CUX2: variants seen among roughly 807,000 people sequenced by gnomAD.
CUX2 encodes cut like homeobox 2.
In CUX2, 40 loss-of-function variants were observed where a neutral mutation model predicts 144.8. The ratio of observed to expected loss-of-function variants is 0.28; its 90% CI spans 0.21 to 0.36. The LOEUF is 0.36. CUX2 is among the 10% of genes least tolerant of loss of function. The pLI is 1.00. For synonymous variants in CUX2, 827 were observed against 875.6 expected (o/e 0.94, Z 0.98); for missense variants, 1,615 against 1,994.0 (o/e 0.81, Z 3.62).
chr12:111,150,252 T>C (rs953553175), intron 1 of CUX2, among the ~76,000 whole-genome samples: 2 of 152,184 alleles, frequency 1.3e-5, no homozygotes, highest in African/African-American at 4.8e-5. Context: ...TTGAATGTTT[T>C]AGAATGAGCA....
intron 1 of CUX2, among the ~76,000 whole-genome samples, chr12:111,093,976 G>A (rs956454622): frequency 7.2e-5 from 11 of 152,190 alleles, no homozygotes; most frequent in African/African-American, 7.2e-5. Context: ...AGTCGTTCGC[G>A]CCAGCAAGGA....
chr12:111,298,741 T>A, intron 9 of CUX2, 152 bp downstream of exon 9: 3 of 911,724 alleles, frequency 3.3e-6, no homozygotes, highest in Non-Finnish European at 5.0e-6. Flanking sequence ...CCAGGAGGAG[T>A]CTGGGCCCCA....
rs190448651 is a variant in CUX2, at chr12:111,230,697, G to A, written c.222+12760G>A. Reference sequence around the variant, plus strand: ...GTGATTCACATGTTTGAGAGCCCCTGCCCTGAAACTCACCATCTAGCGGAA... The same window carrying A: ...GTGATTCACATGTTTGAGAGCCCCTACCCTGAAACTCACCATCTAGCGGAA... On this transcript the variant is annotated intron_variant, in intron 3 of 21. Transcript: ENST00000261726. 1.4e-3 allele frequency among the ~76,000 whole-genome samples: 218 copies of A among 152,320 alleles called. 2 individuals are homozygous for A. The highest frequency in any genetic ancestry group is 5.0e-3 in the African/African-American group (207 of 41,562).
intron 1 of CUX2, among the ~76,000 whole-genome samples, chr12:111,170,545 C>CT (rs34282526): frequency 0.015 from 1,173 of 79,950 alleles, 106 homozygotes; most frequent in African/African-American, 0.023. Flanking sequence ...CCCAGCTCTT[C>CT]TTTTTTTTTT....
At chr12:111,330,714 T>TATACATATAC (rs1888065208) in intron 18 of CUX2, among the ~76,000 whole-genome samples, 3 of 36,454 alleles carry the variant, frequency 8.2e-5, no homozygotes, top group East Asian at 7.1e-4. Context: ...TATATATATA[T>TATACATATAC]ATATATATAT....
chr12:111,120,672 A>G (rs1381561198), intron 1 of CUX2, among the ~76,000 whole-genome samples: 2 of 121,924 alleles, frequency 1.6e-5, no homozygotes, highest in Non-Finnish European at 3.3e-5. Context: ...AACCACAAGG[A>G]AAAAAAAAAA....
At chr12:111,047,848 G>A (rs1870073419) in intron 1 of CUX2, among the ~76,000 whole-genome samples, 1 of 152,216 alleles carries the variant, frequency 6.6e-6, no homozygotes, top group Admixed American at 6.5e-5. Context: ...ACATGGAGGG[G>A]CCGCCTGTTT....
chr12:111,038,790 T>C (rs1023928030), intron 1 of CUX2, among the ~76,000 whole-genome samples: 10 of 151,934 alleles, frequency 6.6e-5, no homozygotes, highest in Admixed American at 5.9e-4. Flanking sequence ...GAAATTTCTT[T>C]TATTAATACT....
intron 19 of CUX2, 35 bp from the exon 20 acceptor site, chr12:111,338,251 T>C: frequency 6.4e-7 from 1 of 1,565,200 alleles, no homozygotes; most frequent in South Asian, 1.2e-5. Flanking sequence ...CTGCCCAGCC[T>C]CGGGTAACAG....
intron 3 of CUX2, among the ~76,000 whole-genome samples, chr12:111,254,591 C>A (rs531322637): frequency 1.3e-5 from 2 of 152,164 alleles, no homozygotes; most frequent in Non-Finnish European, 2.9e-5. Context: ...GTGACTTACA[C>A]CTGAATGCTC....
At chr12:111,264,555 C>T (rs1308900009) in intron 4 of CUX2, among the ~76,000 whole-genome samples, 2 of 152,100 alleles carry the variant, frequency 1.3e-5, no homozygotes, top group East Asian at 1.9e-4. Flanking sequence ...GCCAACCCAG[C>T]GGTTTTAGTA....
chr12:111,286,796 G>A (rs1885409070), intron 4 of CUX2, among the ~76,000 whole-genome samples: 2 of 152,140 alleles, frequency 1.3e-5, no homozygotes, highest in Admixed American at 6.5e-5. Context: ...TTGAACCCAG[G>A]AGGCAGAGGT....
At chr12:111,174,681 C>T (rs1878741948) in intron 1 of CUX2, among the ~76,000 whole-genome samples, 1 of 152,178 alleles carries the variant, frequency 6.6e-6, no homozygotes, top group African/African-American at 2.4e-5. Context: ...CCAAGGTGGG[C>T]TGAAGGAAAA....
intron 3 of CUX2, among the ~76,000 whole-genome samples, chr12:111,229,304 C>T (rs1262006445): frequency 6.6e-6 from 1 of 152,106 alleles, no homozygotes; most frequent in Non-Finnish European, 1.5e-5. Context: ...TGAAGCAACA[C>T]CCCCAAATTT....
intron 19 of CUX2, among the ~76,000 whole-genome samples, chr12:111,337,928 G>A (rs1888420215): frequency 6.6e-6 from 1 of 152,064 alleles, no homozygotes; most frequent in South Asian, 2.1e-4. Flanking sequence ...CCAGCTACTC[G>A]GGAGGCTGAG....
At chr12:111,054,102 C>T (rs748123039) in intron 1 of CUX2, among the ~76,000 whole-genome samples, 25 of 152,138 alleles carry the variant, frequency 1.6e-4, no homozygotes, top group African/African-American at 6.0e-4. Context: ...TGCAATGAAC[C>T]GAGATCGCGC....
chr12:111,145,663 C>T (rs975794251), intron 1 of CUX2, among the ~76,000 whole-genome samples: 6 of 151,854 alleles, frequency 4.0e-5, no homozygotes, highest in South Asian at 2.1e-4. Context: ...CCACCATGCT[C>T]GGCTATTTAT....
In CUX2 at chr12:111,350,093, A is replaced by G. The variant is rs902413392; in HGVS notation, c.*1768A>G. ...CATTGAAGAGTTTTCCACTGTATAC[A>G]TTTTTATCCAGATGAAGGTATTTTT... On this transcript the variant is annotated 3_prime_UTR_variant, in exon 22 of 22. Transcript: ENST00000261726. 6.6e-6 allele frequency: 1 copy of G among 152,598 alleles called. No individual in the cohort carries two copies. Among genetic ancestry groups the G allele is most frequent in the Non-Finnish European group, 1.5e-5 (1 of 68,040 alleles). The allele number at this position is 152,598 out of a possible 1,614,324, so 9.5% of individuals were successfully genotyped here. A position where few individuals can be genotyped will look rare whatever the true frequency, so the allele number is the denominator to read the frequency against.
intron 1 of CUX2, among the ~76,000 whole-genome samples, chr12:111,080,150 C>T (rs990475511): frequency 6.6e-6 from 1 of 152,102 alleles, no homozygotes; most frequent in African/African-American, 2.4e-5. Context: ...GTTCCCTCTG[C>T]CCACGGCAGC....
Sources: allele counts gnomAD v4.1 joint callset (sites outside exome capture counted in the v4.1 genomes callset), GRCh38; gene constraint gnomAD v4.1.1; transcripts MANE v1.5; gene names NCBI Gene and HGNC (gene_info 2026-07-23, HGNC 2026-07-21).